The following SIN3A variants were observed in gnomAD, a reference collection of about 807,000 sequenced individuals.
The protein encoded by SIN3A is SIN3 transcription regulator family member A.
SIN3A carries 14 observed loss-of-function variants against 146.1 expected under a neutral mutation model. The ratio of observed to expected loss-of-function variants is 0.10; its 90% CI spans 0.06 to 0.15. SIN3A has a LOEUF of 0.15. SIN3A is among the 10% of genes least tolerant of loss of function. The pLI is 1.00. For missense variants in SIN3A, 1,028 were observed against 1,576.0 expected, an observed-to-expected ratio of 0.65 and a Z score of 5.89; for synonymous variants, 572 against 572.0, an observed-to-expected ratio of 1.00 and a Z score of 0.00.
rs760614605 is a variant in SIN3A, at chr15:75,407,123, G to T, written c.1339C>A (p.Leu447Met). 14 of 1,611,880 alleles carry T rather than the reference G, an allele frequency of 8.7e-6. No individual in the cohort carries two copies. The highest frequency in any genetic ancestry group is 1.2e-5 in the Non-Finnish European group (14 of 1,178,892). The change falls in exon 9 of 21, where the codon CTG (leucine) becomes ATG (methionine). Residue 447 changes from leucine (L) to methionine (M), a missense_variant. Transcript: ENST00000394947. ...PVKKKPKLLN[L>M]KDSSMADASK... ...GCATCTGCCATAGAAGAATCCTTCA[G>T]ATTGAGCAGTTTGGGTTTCTTCTGC...
At chr15:75,436,090 C>G (rs1244819417) in intron 1 of SIN3A, among the ~76,000 whole-genome samples, 2 of 151,342 alleles carry the variant, frequency 1.3e-5, no homozygotes, top group South Asian at 4.2e-4. Flanking sequence ...GCAGTGATAA[C>G]GTCACTGCAC....
chr15:75,388,512 G>A (rs917486544), intron 16 of SIN3A: 2 of 152,272 alleles, frequency 1.3e-5, no homozygotes, highest in African/African-American at 2.4e-5. Flanking sequence ...CAAGAGGGTG[G>A]CATTAGTACA....
At chr15:75,403,148 C>T (rs1056007875) in intron 9 of SIN3A, among the ~76,000 whole-genome samples, 7 of 151,980 alleles carry the variant, frequency 4.6e-5, no homozygotes, top group Middle Eastern at 3.4e-3. Context: ...TCCAGCTGGG[C>T]GCAGTGGCTC....
intron 2 of SIN3A, among the ~76,000 whole-genome samples, chr15:75,429,004 C>A (rs2073970594): frequency 6.6e-6 from 1 of 152,058 alleles, no homozygotes; most frequent in East Asian, 1.9e-4. Context: ...TTTGTTTCTT[C>A]TAGATTATTT....
chr15:75,407,070 C>A lies in SIN3A; in HGVS notation c.1392G>T (p.Ser464=). Residue 464 remains serine (S), a synonymous_variant, in exon 9 of 21, where the codon TCG becomes TCT. Coordinates refer to ENST00000394947, the MANE Select transcript of SIN3A (RefSeq NM_001145358.2). ...DASKHGGGTE[S]LFFDKVRKAL... Reference sequence around the variant, plus strand: ...CATTACTCACCTTATCAAAAAATAACGATTCTGTTCCACCACCATGTTTGC... The same window carrying A: ...CATTACTCACCTTATCAAAAAATAAAGATTCTGTTCCACCACCATGTTTGC... The A allele has an allele frequency of 6.2e-7, 1 of 1,610,298 alleles. No homozygotes were observed. Among genetic ancestry groups the A allele is most frequent in the Non-Finnish European group, 8.5e-7 (1 of 1,177,530 alleles).
In SIN3A at chr15:75,392,689, T is replaced by C; in HGVS notation, c.2404A>G (p.Thr802Ala). 6.2e-7 allele frequency: 1 copy of C among 1,614,256 alleles called. No individual in the cohort carries two copies. Among genetic ancestry groups the C allele is most frequent in the Non-Finnish European group, 8.5e-7 (1 of 1,180,046 alleles). ...TATTTGTCCTCCTTCTGAATGCCTG[T>C]CTGCCTCTTCACATGGTGGATAATC... ...ALIIHHVKRQTGIQKEDKYKI... is the reference protein window; with the variant it reads ...ALIIHHVKRQAGIQKEDKYKI... Residue 802 changes from threonine to alanine, a missense_variant, in exon 15 of 21, where the codon ACA (threonine) becomes GCA (alanine). This residue lies in a region of SIN3A where 488 missense variants were observed against 690.2 expected (regional missense o/e 0.71). Coordinates refer to ENST00000394947, the MANE Select transcript of SIN3A (RefSeq NM_001145358.2).
chr15:75,378,362 C>T lies in SIN3A; in HGVS notation c.3383+2267G>A, dbSNP rs1037561410. Among the ~76,000 whole-genome samples the T allele has an allele frequency of 3.9e-5, 6 of 152,230 alleles. No homozygotes were observed. The East Asian group carries it at 5.8e-4, about 15-fold the overall frequency. On this transcript the variant is annotated intron_variant, in intron 19 of 20. Transcript: ENST00000394947. ...GGAGGATCACCTGAGGTCAGGAGTT[C>T]AAGACCAGCCAGACCAACATGGAGA...
chr15:75,396,510 CAAAG>C lies in SIN3A; in HGVS notation c.1855-18_1855-15del. On this transcript the variant is annotated splice_polypyrimidine_tract_variant and intron_variant, in intron 12 of 20. Coordinates refer to ENST00000394947, the MANE Select transcript of SIN3A (RefSeq NM_001145358.2). ...AACTACATCAAGCTGAAGAGGAAGA[CAAAG>C]AAGGGTATGCTCAGGACCCAAATCA... The C allele has an allele frequency of 6.3e-7, 1 of 1,581,350 alleles. No individual in the cohort carries two copies. The highest frequency in any genetic ancestry group is 8.7e-7 in the Non-Finnish European group (1 of 1,152,230).
intron 3 of SIN3A, chr15:75,415,773 C>T (rs2073723154): frequency 6.1e-6 from 1 of 163,192 alleles, no homozygotes; most frequent in Non-Finnish European, 1.3e-5. Context: ...ATCACTTGAA[C>T]CCAGGAGGCG....
Position 75,430,480 on chromosome 15 carries a change from T to A in SIN3A, c.-33-72A>T, listed in dbSNP as rs942169431. 5.9e-6 allele frequency: 7 copies of A among 1,186,406 alleles called. No homozygotes were observed. The East Asian group carries it at 1.8e-4, about 31-fold the overall frequency. 73.5% of individuals were successfully genotyped at this position (1,186,406 alleles called of 1,614,324 possible). A position where few individuals can be genotyped will look rare whatever the true frequency, so the allele number is the denominator to read the frequency against. On this transcript the variant is annotated intron_variant, in intron 1 of 20. Coordinates refer to ENST00000394947, the MANE Select transcript of SIN3A (RefSeq NM_001145358.2). ...TATGATGTACGCCACTTAGGACCAG[T>A]CACCCAAGTTTAGTAAAAGCTTGAC...
At chr15:75,403,734 C>CG (rs1274401156) in intron 9 of SIN3A, among the ~76,000 whole-genome samples, 15 of 151,880 alleles carry the variant, frequency 9.9e-5, no homozygotes, top group African/African-American at 3.4e-4. Context: ...TTAGTAGAGA[C>CG]GGGGTTTCAC....
Position 75,389,632 on chromosome 15 carries a change from AG to A in SIN3A, c.3021+19del. The A allele has an allele frequency of 1.2e-6, 2 of 1,613,354 alleles. No homozygotes were observed. Among genetic ancestry groups the A allele is most frequent in the Non-Finnish European group, 1.7e-6 (2 of 1,179,574 alleles). ...AAGGATTTCTTCCCTTACTCACCCTAGCCTCCTCCATGCCCTCACCTGTCTG... is the reference window on the plus strand; with the variant it reads ...AAGGATTTCTTCCCTTACTCACCCTACCTCCTCCATGCCCTCACCTGTCTG... On this transcript the variant is annotated intron_variant, in intron 16 of 20. Coordinates refer to ENST00000394947, the MANE Select transcript of SIN3A (RefSeq NM_001145358.2).
At chr15:75,451,162 C>T (rs977503286) in intron 1 of SIN3A, among the ~76,000 whole-genome samples, 1 of 150,880 alleles carries the variant, frequency 6.6e-6, no homozygotes, top group African/African-American at 2.4e-5. Context: ...CAATCGCACG[C>T]GCGCGCCGGC....
At position 75,371,664 on chromosome 15, in the gene SIN3A, C is replaced by T. The variant is rs2072753814; in HGVS notation, c.*315G>A. 1 of 312,144 alleles carries T rather than the reference C, an allele frequency of 3.2e-6. No individual in the cohort carries two copies. Among genetic ancestry groups the T allele is most frequent in the African/African-American group, 2.1e-5 (1 of 46,866 alleles). 19.3% of individuals were successfully genotyped at this position (312,144 alleles called of 1,614,324 possible). On this transcript the variant is annotated 3_prime_UTR_variant, in exon 21 of 21. Transcript: ENST00000394947. ...ATTGAAAGTTAGGCCACAGGAGACTCCAGTCTTAGCTCTGCTGGTGTGTGC... is the reference window on the plus strand; with the variant it reads ...ATTGAAAGTTAGGCCACAGGAGACTTCAGTCTTAGCTCTGCTGGTGTGTGC...
chr15:75,432,214 C>T (rs2074024666), intron 1 of SIN3A, among the ~76,000 whole-genome samples: 2 of 152,188 alleles, frequency 1.3e-5, no homozygotes, highest in Admixed American at 6.5e-5. Context: ...CAACTACGAA[C>T]ACTAAACCTC....
At chr15:75,435,435 C>T (rs1026435487) in intron 1 of SIN3A, among the ~76,000 whole-genome samples, 2 of 152,190 alleles carry the variant, frequency 1.3e-5, no homozygotes, top group Admixed American at 6.5e-5. Context: ...CAGTGGCTTA[C>T]GCTTATAATC....
At chr15:75,427,524 G>T (rs2073945784) in intron 2 of SIN3A, among the ~76,000 whole-genome samples, 1 of 152,044 alleles carries the variant, frequency 6.6e-6, no homozygotes, top group Non-Finnish European at 1.5e-5. Flanking sequence ...GCTGGGCGTG[G>T]TGGTGCACGC....
Position 75,396,510 on chromosome 15 carries a change from C to G in SIN3A, c.1855-14G>C. ...AACTACATCAAGCTGAAGAGGAAGACAAAGAAGGGTATGCTCAGGACCCAA... is the reference window on the plus strand; with the variant it reads ...AACTACATCAAGCTGAAGAGGAAGAGAAAGAAGGGTATGCTCAGGACCCAA... On this transcript the variant is annotated splice_polypyrimidine_tract_variant and intron_variant, in intron 12 of 20. Transcript: ENST00000394947. The G allele has an allele frequency of 6.3e-7, 1 of 1,581,350 alleles. No homozygotes were observed. Among genetic ancestry groups the G allele is most frequent in the Admixed American group, 1.7e-5 (1 of 59,450 alleles).
In SIN3A at chr15:75,407,067, TAAC is replaced by T; in HGVS notation, c.1392_1394del (p.Leu465del). The T allele has an allele frequency of 1.2e-6, 2 of 1,609,620 alleles. No homozygotes were observed. The highest frequency in any genetic ancestry group is 1.7e-6 in the Non-Finnish European group (2 of 1,176,982). On this transcript the variant is annotated inframe_deletion, in exon 9 of 21. Transcript: ENST00000394947. Reference sequence around the variant, plus strand: ...ATCCATTACTCACCTTATCAAAAAATAACGATTCTGTTCCACCACCATGTTTGC... The same window carrying T: ...ATCCATTACTCACCTTATCAAAAAATGATTCTGTTCCACCACCATGTTTGC...
Sources: allele counts gnomAD v4.1 joint callset (sites outside exome capture counted in the v4.1 genomes callset), GRCh38; gene constraint gnomAD v4.1.1; regional missense constraint gnomAD v4.1.1; transcripts MANE v1.5; gene names NCBI Gene and HGNC (gene_info 2026-07-23, HGNC 2026-07-21).